The following LYRM9 variants were observed in gnomAD, a reference collection of about 807,000 sequenced individuals.
LYRM9 encodes the protein LYR motif-containing protein 9.
A neutral mutation model predicts 12.6 loss-of-function variants in LYRM9; 14 were observed. That is an observed-to-expected ratio of 1.11 (90% CI 0.73 to 1.73). LYRM9 has a LOEUF of 1.73. Among genes scored for constraint, LYRM9 ranks in the 40% most tolerant of loss-of-function variants. LYRM9 has a pLI of 0.00. For synonymous variants in LYRM9, 42 were observed against 35.1 expected (o/e 1.20, Z -0.69); for missense variants, 94 against 95.0 (o/e 0.99, Z 0.04).
At chr17:27,892,200 G>C (rs765811729) in intron 1 of LYRM9, 2 of 267,920 alleles carry the variant, frequency 7.5e-6, no homozygotes, top group Non-Finnish European at 1.5e-5. Flanking sequence ...ACGGTGCTGA[G>C]ATTATGGGCA....
intron 1 of LYRM9, among the ~76,000 whole-genome samples, chr17:27,884,214 T>C (rs1448599591): frequency 6.6e-6 from 1 of 152,330 alleles, no homozygotes; most frequent in East Asian, 1.9e-4. Context: ...TTAAAGGAAC[T>C]ATGAGAGTAT....
At chr17:27,882,032 G>A (rs1051255308) in intron 2 of LYRM9, among the ~76,000 whole-genome samples, 1 of 152,126 alleles carries the variant, frequency 6.6e-6, no homozygotes, top group Non-Finnish European at 1.5e-5. Context: ...TGGGATTACA[G>A]ACATGAGCCA....
At chr17:27,880,650 G>A (rs1431514591) in intron 2 of LYRM9, 2 of 490,372 alleles carry the variant, frequency 4.1e-6, no homozygotes, top group Non-Finnish European at 7.3e-6. Context: ...GCCAAATCAA[G>A]CTAGGCCCAA....
intron 1 of LYRM9, among the ~76,000 whole-genome samples, chr17:27,890,402 T>A (rs548794541): frequency 2.1e-4 from 31 of 150,350 alleles, no homozygotes; most frequent in Non-Finnish European, 3.6e-4. Flanking sequence ...AAAAAAAAAA[T>A]CAAAAGAAAG....
rs572899307 is a variant in LYRM9, at chr17:27,884,364, C to T, written c.-18-1652G>A. Among the ~76,000 whole-genome samples, 24 of 152,358 alleles carry T rather than the reference C, an allele frequency of 1.6e-4. No homozygotes were observed. The South Asian group carries it at 4.1e-3, about 26-fold the overall frequency. On this transcript the variant is annotated intron_variant, in intron 1 of 3. Coordinates refer to ENST00000379102, the MANE Select transcript of LYRM9 (RefSeq NM_001076680.3). ...TCCAGTCTCCTCCACACTGACACCA[C>T]GTGAGCTCTGGAATCAGTGTCCTGG... is the stretch of plus-strand genomic sequence containing the variant.
intron 1 of LYRM9, chr17:27,892,024 CG>C (rs1567666886): frequency 6.3e-6 from 1 of 159,938 alleles, no homozygotes; most frequent in African/African-American, 2.4e-5. Flanking sequence ...CACAACTGCC[CG>C]GGCTCAAACG....
intron 1 of LYRM9, among the ~76,000 whole-genome samples, chr17:27,890,442 C>A (rs769554789): frequency 3.9e-5 from 6 of 152,034 alleles, no homozygotes; most frequent in East Asian, 1.9e-4. Flanking sequence ...ATCAATTACA[C>A]AGATAAAGGA....
intron 1 of LYRM9, among the ~76,000 whole-genome samples, chr17:27,889,782 C>T (rs116423558): frequency 0.018 from 2,773 of 152,126 alleles, 83 homozygotes; most frequent in African/African-American, 0.059. Context: ...AGACAGTAAC[C>T]CTATATACTG....
chr17:27,880,582 G>A (rs1300168318), intron 2 of LYRM9: 2 of 578,144 alleles, frequency 3.5e-6, no homozygotes, highest in African/African-American at 1.9e-5. Context: ...CTATGTGACT[G>A]CAAAGCATGT....
chr17:27,888,576 C>T (rs1329022414), intron 1 of LYRM9, among the ~76,000 whole-genome samples: 4 of 152,176 alleles, frequency 2.6e-5, no homozygotes, highest in East Asian at 1.9e-4. Context: ...GACATGTCAT[C>T]AGGTCTGCAG....
At chr17:27,883,147 T>C (rs1468857016) in intron 1 of LYRM9, 1 of 392,262 alleles carries the variant, frequency 2.5e-6, no homozygotes, top group African/African-American at 2.1e-5. Context: ...ATTCAAAGTG[T>C]GCTCCTGAAC....
rs1403244941 is a variant in LYRM9 at position 27,880,319 on chromosome 17, C to A, written c.174G>T (p.Gln58His). The A allele has an allele frequency of 2.5e-6, 4 of 1,610,362 alleles. No individual in the cohort carries two copies. The highest frequency in any genetic ancestry group is 2.7e-5 in the African/African-American group (2 of 75,008). ...CATCTTCAATGGCTCTTTTAATAATCTGCTGGATTCTCTCAGGGTTGTCTT... is the reference window on the plus strand; with the variant it reads ...CATCTTCAATGGCTCTTTTAATAATATGCTGGATTCTCTCAGGGTTGTCTT... The part of the protein sequence containing the change: ...SDEDNPERIQ[Q>H]IIKRAIEDAD... Residue 58 changes from glutamine (Q) to histidine (H), a missense_variant, in exon 3 of 4, where the codon CAG becomes CAT. Coordinates refer to ENST00000379102, the MANE Select transcript of LYRM9 (RefSeq NM_001076680.3).
intron 1 of LYRM9, 23 bp from the exon 2 acceptor site, chr17:27,882,735 T>C: frequency 6.4e-7 from 1 of 1,554,496 alleles, no homozygotes. Context: ...CAGGATCACT[T>C]CCAGGGCATC....
chr17:27,883,309 G>A (rs907958786), intron 1 of LYRM9: 1 of 251,612 alleles, frequency 4.0e-6, no homozygotes, highest in Non-Finnish European at 8.0e-6. Context: ...AGGGGGCTCT[G>A]CAGAGAAGTT....
At chr17:27,888,587 C>T (rs140867059) in intron 1 of LYRM9, among the ~76,000 whole-genome samples, 11 of 152,266 alleles carry the variant, frequency 7.2e-5, no homozygotes, top group African/African-American at 1.9e-4. Context: ...AGGTCTGCAG[C>T]CTCCTTTCAA....
At chr17:27,888,693 T>G (rs1236523868) in intron 1 of LYRM9, among the ~76,000 whole-genome samples, 2 of 152,122 alleles carry the variant, frequency 1.3e-5, no homozygotes, top group Non-Finnish European at 2.9e-5. Flanking sequence ...GCATTAAGGG[T>G]GAACACCATG....
intron 2 of LYRM9, chr17:27,880,787 C>CGA: frequency 3.0e-5 from 6 of 202,538 alleles, no homozygotes; most frequent in Non-Finnish European, 4.0e-5. Flanking sequence ...CTTCTCTCGG[C>CGA]CCAGTGCTAG....
chr17:27,888,489 T>G (rs1236774479), intron 1 of LYRM9, among the ~76,000 whole-genome samples: 1 of 152,236 alleles, frequency 6.6e-6, no homozygotes, highest in Non-Finnish European at 1.5e-5. Flanking sequence ...ATGAATTTTC[T>G]TGGGTTATAA....
chr17:27,892,650 G>C (rs567085898), intron 1 of LYRM9: 1 of 319,308 alleles, frequency 3.1e-6, no homozygotes, highest in Non-Finnish European at 6.2e-6. Flanking sequence ...GAGAATGGGA[G>C]TAGATGGGAG....
Sources: gnomAD v4.1 joint callset for allele counts (sites outside exome capture counted in the v4.1 genomes callset) on GRCh38, gnomAD v4.1.1 for gene constraint, MANE v1.5 for transcripts, NCBI Gene and HGNC (gene_info 2026-07-23, HGNC 2026-07-21) for gene names.